The following CNST variants were observed in gnomAD, a reference collection of about 807,000 sequenced individuals.
The protein encoded by CNST is consortin, connexin sorting protein, also known as consortin.
In CNST, 39 loss-of-function variants were observed where a neutral mutation model predicts 72.4. That is an observed-to-expected ratio of 0.54 (90% CI 0.42 to 0.70). The LOEUF (loss-of-function observed/expected upper bound fraction) is 0.70. CNST is among the 30% of genes least tolerant of loss of function. The pLI is 0.00. For missense variants in CNST, 871 were observed against 868.5 expected, an observed-to-expected ratio of 1.00 and a Z score of -0.04; for synonymous variants, 332 against 320.1, an observed-to-expected ratio of 1.04 and a Z score of -0.40.
At chr1:246,660,620 G>A (rs987533446) in intron 10 of CNST, among the ~76,000 whole-genome samples, 5 of 152,172 alleles carry the variant, frequency 3.3e-5, no homozygotes, top group Non-Finnish European at 7.3e-5. Flanking sequence ...AGCTACTCAG[G>A]AGACTGAAGC....
At chr1:246,583,463 G>C (rs777359893) in intron 1 of CNST, among the ~76,000 whole-genome samples, 4 of 152,188 alleles carry the variant, frequency 2.6e-5, no homozygotes, top group Non-Finnish European at 5.9e-5. Context: ...TAGACATAGC[G>C]TATAATTCAT....
intron 6 of CNST, among the ~76,000 whole-genome samples, chr1:246,635,668 G>A (rs1447246017): frequency 6.6e-6 from 1 of 152,186 alleles, no homozygotes; most frequent in Non-Finnish European, 1.5e-5. Context: ...TGTCACGCGA[G>A]CATTTCCAGC....
rs1661358915 is a variant in CNST, at chr1:246,588,818, T to TG, written c.-51-2693dup. 5.9e-5 allele frequency among the ~76,000 whole-genome samples: 9 copies of TG among 152,332 alleles called. No homozygotes were observed. The South Asian group carries it at 1.9e-3, about 32-fold the overall frequency. ...ATTTGGACACAATTTTCATTGGAAA[T>TG]GCTTGAACTATATTTCAATTTCATA... On this transcript the variant is annotated intron_variant, in intron 1 of 10. Transcript: ENST00000366513.
Position 246,668,276 on chromosome 1 carries a change from A to G in CNST, c.*2371A>G, listed in dbSNP as rs575961985. 1 of 152,302 alleles carries G rather than the reference A, an allele frequency of 6.6e-6. No homozygotes were observed. Among genetic ancestry groups the G allele is most frequent in the South Asian group, 2.1e-4 (1 of 4,824 alleles). 9.4% of individuals were successfully genotyped at this position (152,302 alleles called of 1,614,324 possible). A position where few individuals can be genotyped will look rare whatever the true frequency, so the allele number is the denominator to read the frequency against. Reference sequence around the variant, plus strand: ...AAGTACTGACAACTATTTGTAACTAATCTTCCTTAAGAACTGTATTTGAGG... The same window carrying G: ...AAGTACTGACAACTATTTGTAACTAGTCTTCCTTAAGAACTGTATTTGAGG... On this transcript the variant is annotated 3_prime_UTR_variant, in exon 11 of 11. Transcript: ENST00000366513.
At chr1:246,606,907 C>T (rs973761996) in intron 2 of CNST, 11 of 151,180 alleles carry the variant, frequency 7.3e-5, no homozygotes, top group African/African-American at 2.4e-4. Flanking sequence ...TCGGGGCAGT[C>T]CGTCGTCAGC....
At chr1:246,636,173 C>T (rs908111359) in intron 6 of CNST, among the ~76,000 whole-genome samples, 4 of 152,104 alleles carry the variant, frequency 2.6e-5, no homozygotes, top group African/African-American at 9.7e-5. Context: ...GGAGACCAGG[C>T]TCCAGGGGGT....
chr1:246,603,778 T>C (rs1283249474), intron 2 of CNST, among the ~76,000 whole-genome samples: 1 of 152,066 alleles, frequency 6.6e-6, no homozygotes, highest in East Asian at 1.9e-4. Context: ...AGGGAGGCAG[T>C]AGGGGGATGG....
rs759203989 is a variant in CNST, at chr1:246,621,557, C to T, written c.508C>T (p.Leu170=). The T allele has an allele frequency of 6.2e-7, 1 of 1,614,188 alleles. No homozygotes were observed. Among genetic ancestry groups the T allele is most frequent in the Non-Finnish European group, 8.5e-7 (1 of 1,180,024 alleles). ...GCAGCCAGAGGCGCCAAAGCTTGTT[C>T]TGCAGTCTCTGTTTTCACTTATACG... ...NEQPEAPKLV[L]QSLFSLIRGE... Residue 170 remains leucine, a synonymous_variant, in exon 3 of 11, where the codon CTG becomes TTG. Coordinates refer to ENST00000366513, the MANE Select transcript of CNST (RefSeq NM_152609.3).
At chr1:246,573,218 CAGTTAG>C (rs1241001226) in intron 1 of CNST, among the ~76,000 whole-genome samples, 1 of 152,126 alleles carries the variant, frequency 6.6e-6, no homozygotes, top group Admixed American at 6.5e-5. Flanking sequence ...TTCGGCATGC[CAGTTAG>C]AGTTATACCT....
intron 9 of CNST, among the ~76,000 whole-genome samples, chr1:246,655,974 T>C (rs1245871845): frequency 6.6e-6 from 1 of 152,242 alleles, no homozygotes; most frequent in East Asian, 1.9e-4. Context: ...GAATATCACT[T>C]GTTTCTGTAG....
At chr1:246,636,756 A>G (rs1462709980) in intron 6 of CNST, among the ~76,000 whole-genome samples, 1 of 152,186 alleles carries the variant, frequency 6.6e-6, no homozygotes, top group Non-Finnish European at 1.5e-5. Flanking sequence ...TTTTTACTTT[A>G]TAATAACTCT....
At chr1:246,596,390 C>G (rs1661883799) in intron 2 of CNST, among the ~76,000 whole-genome samples, 1 of 150,180 alleles carries the variant, frequency 6.7e-6, no homozygotes, top group South Asian at 2.1e-4. Context: ...AGAGTGAGAT[C>G]CTGTCTCAAA....
intron 1 of CNST, among the ~76,000 whole-genome samples, chr1:246,574,323 G>A (rs1283221308): frequency 6.6e-6 from 1 of 152,184 alleles, no homozygotes; most frequent in African/African-American, 2.4e-5. Context: ...TTACAGGCGT[G>A]AGCCACCGCT....
chr1:246,577,331 C>G lies in CNST; in HGVS notation c.-52+10668C>G, dbSNP rs1660496412. On this transcript the variant is annotated intron_variant, in intron 1 of 10. Coordinates refer to ENST00000366513, the MANE Select transcript of CNST (RefSeq NM_152609.3). ...GCGTCACTCCCTTTATAGCCTCTTCCTACTGGTACCTCCTTATTCCGGTTC... is the reference window on the plus strand; with the variant it reads ...GCGTCACTCCCTTTATAGCCTCTTCGTACTGGTACCTCCTTATTCCGGTTC... Among the ~76,000 whole-genome samples, 3 of 152,140 alleles carry G rather than the reference C, an allele frequency of 2.0e-5. 1 individual carries two copies. The highest frequency in any genetic ancestry group is 6.8e-3 in the Middle Eastern group (2 of 294).
Position 246,631,905 on chromosome 1 carries a change from C to G in CNST, c.597C>G (p.Ser199=), listed in dbSNP as rs760362355. 1 of 1,549,514 alleles carries G rather than the reference C, an allele frequency of 6.5e-7. No homozygotes were observed. Among genetic ancestry groups the G allele is most frequent in the Admixed American group, 1.8e-5 (1 of 55,614 alleles). Residue 199 remains serine, a synonymous_variant, in exon 4 of 11, where the codon TCC becomes TCG. Coordinates refer to ENST00000366513, the MANE Select transcript of CNST (RefSeq NM_152609.3). ...LPLCLHQIAE[S]YFQEEDYEKA... ...TTTGTTTTTAACAGATAGCAGAATC[C>G]TATTTCCAGGAGGAGGACTGTATCC...
intron 3 of CNST, among the ~76,000 whole-genome samples, chr1:246,622,430 C>T (rs1664155752): frequency 6.6e-6 from 1 of 152,160 alleles, no homozygotes; most frequent in South Asian, 2.1e-4. Context: ...GAACAGAAGG[C>T]GACTCTTGAG....
In CNST at chr1:246,647,958, A is replaced by G. The variant is rs1475411779; in HGVS notation, c.1757A>G (p.Tyr586Cys). 11 of 1,613,684 alleles carry G rather than the reference A, an allele frequency of 6.8e-6. No individual in the cohort carries two copies. Among genetic ancestry groups the G allele is most frequent in the African/African-American group, 1.3e-5 (1 of 74,942 alleles). The change falls in exon 9 of 11, where the codon TAT becomes TGT. Residue 586 changes from tyrosine (Y) to cysteine (C), a missense_variant. Transcript: ENST00000366513. ...GATCTCTCTCCTGAAGAAGCATCCT[A>G]TAGTCTCCAGGAGAATCTGCCTTCT... is the stretch of plus-strand genomic sequence containing the variant. ...LQDLSPEEAS[Y>C]SLQENLPSDE...
At chr1:246,622,119 T>G (rs956869338) in intron 3 of CNST, among the ~76,000 whole-genome samples, 2 of 152,242 alleles carry the variant, frequency 1.3e-5, no homozygotes, top group Non-Finnish European at 1.5e-5. Flanking sequence ...GGCATATTAC[T>G]AATTGATGGC....
Position 246,591,736 on chromosome 1 carries a change from G to C in CNST, c.174G>C (p.Met58Ile). The C allele has an allele frequency of 6.2e-7, 1 of 1,614,186 alleles. No homozygotes were observed. The highest frequency in any genetic ancestry group is 1.1e-5 in the South Asian group (1 of 91,084). Residue 58 changes from methionine to isoleucine, a missense_variant, in exon 2 of 11, where the codon ATG (methionine) becomes ATC (isoleucine). Met to Ile is a conservative substitution (Grantham distance 10). Coordinates refer to ENST00000366513, the MANE Select transcript of CNST (RefSeq NM_152609.3). ...HEHLTSSDSAMGKPQVSEQDS... is the reference protein window; with the variant it reads ...HEHLTSSDSAIGKPQVSEQDS... Reference sequence around the variant, plus strand: ...ATCTGACCAGCAGTGACAGTGCGATGGGAAAGCCCCAAGTGTCTGAGCAGG... The same window carrying C: ...ATCTGACCAGCAGTGACAGTGCGATCGGAAAGCCCCAAGTGTCTGAGCAGG...
Sources: gnomAD v4.1 joint callset for allele counts (sites outside exome capture counted in the v4.1 genomes callset) on GRCh38, gnomAD v4.1.1 for gene constraint, MANE v1.5 for transcripts, NCBI Gene and HGNC (gene_info 2026-07-23, HGNC 2026-07-21) for gene names.